The following CADM1 variants were observed in gnomAD, a reference collection of about 807,000 sequenced individuals.
CADM1 encodes the protein cell adhesion molecule 1, also known as TSLC-1.
CADM1 carries 15 observed loss-of-function variants against 53.1 expected under a neutral mutation model. That is an observed-to-expected ratio of 0.28 (90% CI 0.19 to 0.44). CADM1 has a LOEUF of 0.44. Ranked by LOEUF, CADM1 falls within the 20% of genes least tolerant of loss-of-function variation. CADM1 has a pLI of 1.00. For synonymous variants in CADM1, 281 were observed against 243.0 expected (o/e 1.16, Z -1.45); for missense variants, 434 against 611.3 (o/e 0.71, Z 3.06).
chr11:115,486,582 C>A (rs757593311), intron 1 of CADM1, among the ~76,000 whole-genome samples: 3 of 152,120 alleles, frequency 2.0e-5, no homozygotes, highest in Non-Finnish European at 4.4e-5. Flanking sequence ...TGGGCTCAAG[C>A]AATCCTCCCA....
At chr11:115,497,467 T>G (rs886507072) in intron 1 of CADM1, among the ~76,000 whole-genome samples, 1 of 152,232 alleles carries the variant, frequency 6.6e-6, no homozygotes, top group African/African-American at 2.4e-5. Context: ...TCATTTGAGC[T>G]GTGCATTTGT....
intron 1 of CADM1, among the ~76,000 whole-genome samples, chr11:115,337,720 T>C (rs145304799): frequency 2.0e-3 from 308 of 152,234 alleles, no homozygotes; most frequent in African/African-American, 6.9e-3. Flanking sequence ...ATAAATAAAC[T>C]AGAGGGCCAC....
intron 1 of CADM1, among the ~76,000 whole-genome samples, chr11:115,297,818 T>A (rs566785940): frequency 6.6e-6 from 1 of 152,180 alleles, no homozygotes; most frequent in Admixed American, 6.5e-5. Flanking sequence ...TGTGCATGAG[T>A]AGACAGAACA....
At chr11:115,266,551 ATTTACCAAC>A (rs1033998365) in intron 1 of CADM1, among the ~76,000 whole-genome samples, 1 of 152,174 alleles carries the variant, frequency 6.6e-6, no homozygotes, top group African/African-American at 2.4e-5. Context: ...TGTCTTCCAC[ATTTACCAAC>A]TTAATGCTTG....
chr11:115,371,336 C>A (rs1233147780), intron 1 of CADM1, among the ~76,000 whole-genome samples: 1 of 152,060 alleles, frequency 6.6e-6, no homozygotes, highest in Non-Finnish European at 1.5e-5. Flanking sequence ...GGTTCTTAGA[C>A]TACAAATAAA....
intron 1 of CADM1, among the ~76,000 whole-genome samples, chr11:115,423,825 G>T (rs1200011590): frequency 6.6e-6 from 1 of 152,194 alleles, no homozygotes. Context: ...GAGGTTGCCA[G>T]GTGTTGGTGG....
At chr11:115,200,245 G>A (rs1940355816) in intron 8 of CADM1, among the ~76,000 whole-genome samples, 1 of 152,134 alleles carries the variant, frequency 6.6e-6, no homozygotes, top group African/African-American at 2.4e-5. Context: ...ACAATAAACT[G>A]TACAGTTGAA....
At chr11:115,413,937 C>A (rs1270213415) in intron 1 of CADM1, among the ~76,000 whole-genome samples, 1 of 152,052 alleles carries the variant, frequency 6.6e-6, no homozygotes, top group Non-Finnish European at 1.5e-5. Flanking sequence ...GCCACCACAC[C>A]CGGCTCCAGT....
intron 1 of CADM1, among the ~76,000 whole-genome samples, chr11:115,349,062 C>G (rs1945657550): frequency 6.6e-6 from 1 of 152,218 alleles, no homozygotes. Context: ...TCAACTCTGT[C>G]TTCCACTTAT....
chr11:115,402,138 A>G (rs530658259), intron 1 of CADM1, among the ~76,000 whole-genome samples: 11 of 152,346 alleles, frequency 7.2e-5, no homozygotes, highest in African/African-American at 2.6e-4. Flanking sequence ...AAAATAAAAC[A>G]AAATGCCATC....
chr11:115,372,819 AC>A (rs1007365887), intron 1 of CADM1, among the ~76,000 whole-genome samples: 3 of 152,214 alleles, frequency 2.0e-5, no homozygotes, highest in African/African-American at 7.2e-5. Context: ...AGAAACAAGA[AC>A]AAGGAAAACA....
chr11:115,298,348 A>AT (rs1944133131), intron 1 of CADM1, among the ~76,000 whole-genome samples: 1 of 152,220 alleles, frequency 6.6e-6, no homozygotes, highest in Non-Finnish European at 1.5e-5. Context: ...CTCTTGACTG[A>AT]TTCTGGCTCT....
At chr11:115,319,886 T>A (rs1233378904) in intron 1 of CADM1, among the ~76,000 whole-genome samples, 5 of 152,122 alleles carry the variant, frequency 3.3e-5, no homozygotes, top group African/African-American at 4.8e-5. Flanking sequence ...AAATAAATAA[T>A]CCTAACAACC....
chr11:115,479,899 C>T (rs1437194740), intron 1 of CADM1, among the ~76,000 whole-genome samples: 1 of 152,204 alleles, frequency 6.6e-6, no homozygotes, highest in Non-Finnish European at 1.5e-5. Flanking sequence ...GATGGAGAGA[C>T]TATTAATATA....
chr11:115,192,368 T>A (rs1382577882), intron 9 of CADM1, among the ~76,000 whole-genome samples: 1 of 152,192 alleles, frequency 6.6e-6, no homozygotes, highest in Non-Finnish European at 1.5e-5. Context: ...ACTATAGATT[T>A]AGGCAACTAA....
At chr11:115,254,559 C>T (rs959474296) in intron 1 of CADM1, among the ~76,000 whole-genome samples, 23 of 142,574 alleles carry the variant, frequency 1.6e-4, no homozygotes, top group Non-Finnish European at 3.3e-4. Context: ...AACACACACA[C>T]ACACACACAC....
chr11:115,185,777 A>G (rs1688729531), intron 10 of CADM1, among the ~76,000 whole-genome samples: 1 of 152,204 alleles, frequency 6.6e-6, no homozygotes, highest in African/African-American at 2.4e-5. Flanking sequence ...AGTTTCCCTT[A>G]AAGGAATATA....
In CADM1 at chr11:115,231,580, T is replaced by C. The variant is rs1051881750; in HGVS notation, c.425-90A>G. 78 of 1,235,138 alleles carry C rather than the reference T, an allele frequency of 6.3e-5. No individual in the cohort carries two copies. The East Asian group carries it at 1.7e-3, about 27-fold the overall frequency. 76.5% of individuals were successfully genotyped at this position (1,235,138 alleles called of 1,614,324 possible). On this transcript the variant is annotated intron_variant, in intron 3 of 11. Transcript: ENST00000331581. The stretch of plus-strand genomic sequence containing the variant: ...GGAGAAAAACAGTAGACATTCCTGA[T>C]GGGAATTTAAATCATCACAAGAGGC...
chr11:115,308,194 G>GTATATATATATATATATATATATA, intron 1 of CADM1, among the ~76,000 whole-genome samples: 1 of 123,978 alleles, frequency 8.1e-6, no homozygotes, highest in African/African-American at 3.0e-5. Flanking sequence ...TCATAGGTGT[G>GTATATATATATATATATATATATA]TATATATATA....
Sources: allele counts gnomAD v4.1 joint callset (sites outside exome capture counted in the v4.1 genomes callset), GRCh38; gene constraint gnomAD v4.1.1; transcripts MANE v1.5; gene names NCBI Gene and HGNC (gene_info 2026-07-23, HGNC 2026-07-21).